The following CHM variants were observed in gnomAD, a reference collection of about 807,000 sequenced individuals.
The protein encoded by CHM is rab proteins geranylgeranyltransferase component A 1.
Under a neutral mutation model 49.0 loss-of-function variants are expected in CHM, and 10 were observed. The ratio of observed to expected loss-of-function variants is 0.20; its 90% CI spans 0.13 to 0.35. The LOEUF (loss-of-function observed/expected upper bound fraction) is 0.35. Ranked by LOEUF, CHM falls within the 10% of genes least tolerant of loss-of-function variation. The pLI, the probability that CHM is intolerant of heterozygous loss-of-function variation, is 1.00. For missense variants in CHM, 455 were observed against 478.4 expected (o/e 0.95, Z 0.46); for synonymous variants, 184 against 167.5 (o/e 1.10, Z -0.76).
chrX:85,932,666 T>C (rs970013335), intron 8 of CHM, among the ~76,000 whole-genome samples: 6 of 112,185 alleles, frequency 5.3e-5, no homozygotes, highest in African/African-American at 1.9e-4. Context: ...AAAACTTTCA[T>C]GTCCTAATTG....
At chrX:85,913,427 T>TGGAGAGAGGAGG (rs202195053) in intron 8 of CHM, among the ~76,000 whole-genome samples, 4 of 98,506 alleles carry the variant, frequency 4.1e-5, no homozygotes, top group Non-Finnish European at 6.2e-5. Context: ...GAGAGGAGAC[T>TGGAGAGAGGAGG]GGAGGACAGG....
intron 2 of CHM, among the ~76,000 whole-genome samples, chrX:85,988,079 T>C (rs780382909): frequency 8.9e-6 from 1 of 112,272 alleles, no homozygotes; most frequent in Non-Finnish European, 1.9e-5. Flanking sequence ...GCCAGTATCC[T>C]TGATTGAATA....
intron 8 of CHM, among the ~76,000 whole-genome samples, chrX:85,923,685 C>T (rs1927923726): frequency 9.0e-6 from 1 of 111,486 alleles, no homozygotes; most frequent in African/African-American, 3.3e-5. Flanking sequence ...TTACCTAGTA[C>T]AAGAGAGAGA....
intron 8 of CHM, among the ~76,000 whole-genome samples, chrX:85,952,397 C>G (rs1350513010): frequency 9.0e-6 from 1 of 110,860 alleles, no homozygotes; most frequent in Non-Finnish European, 1.9e-5. Flanking sequence ...GATAGGACAC[C>G]AGGCAGAGTC....
chrX:85,875,822 T>C (rs191066653), intron 13 of CHM, among the ~76,000 whole-genome samples: 1 of 111,506 alleles, frequency 9.0e-6, no homozygotes. Flanking sequence ...AAAGATGCCA[T>C]CAAAAGGCTC....
intron 8 of CHM, among the ~76,000 whole-genome samples, chrX:85,921,921 T>TAC (rs1569414104): frequency 2.7e-5 from 3 of 112,115 alleles, no homozygotes; most frequent in South Asian, 3.8e-4. Context: ...TATTTTTATA[T>TAC]ACACACACAC....
chrX:85,917,606 G>A (rs1927532673), intron 8 of CHM, among the ~76,000 whole-genome samples: 1 of 111,164 alleles, frequency 9.0e-6, no homozygotes, highest in African/African-American at 3.3e-5. Context: ...TCAGAACCTG[G>A]ATGGGAAGAA....
chrX:86,031,560 G>A (rs920934244), intron 1 of CHM, among the ~76,000 whole-genome samples: 1 of 112,446 alleles, frequency 8.9e-6, no homozygotes, highest in Admixed American at 9.4e-5. Context: ...ATTATTTAGC[G>A]CTGGGCACGG....
chrX:85,875,576 T>C (rs1924360361), intron 13 of CHM, among the ~76,000 whole-genome samples: 1 of 111,646 alleles, frequency 9.0e-6, no homozygotes, highest in African/African-American at 3.3e-5. Context: ...ACTATGTTAG[T>C]AATACCAGCA....
intron 11 of CHM, among the ~76,000 whole-genome samples, chrX:85,898,579 C>T (rs1364036801): frequency 8.9e-6 from 1 of 112,356 alleles, no homozygotes; most frequent in Non-Finnish European, 1.9e-5. Context: ...CTCTTCACAG[C>T]TTAGCTTCCT....
intron 12 of CHM, among the ~76,000 whole-genome samples, chrX:85,882,917 AAGTC>A (rs1315973105): frequency 9.0e-6 from 1 of 111,052 alleles, no homozygotes; most frequent in Non-Finnish European, 1.9e-5. Flanking sequence ...CTACTTGGCC[AAGTC>A]AGTTTTTCTC....
At position 85,921,356 on chromosome X, in the gene CHM, C is replaced by G. The variant is rs145842825; in HGVS notation, c.1167-10018G>C. Among the ~76,000 whole-genome samples the G allele has an allele frequency of 6.9e-3, 774 of 111,672 alleles. 8 individuals are homozygous for G. Among genetic ancestry groups the G allele is most frequent in the African/African-American group, 0.024 (737 of 30,709 alleles). ...TAGGCTCCATCTTTGGTGCAGTTTA[C>G]AGAAGCCATCCTAAGGCCTAACATA... On this transcript the variant is annotated intron_variant, in intron 8 of 14. Coordinates refer to ENST00000357749, the MANE Select transcript of CHM (RefSeq NM_000390.4).
intron 1 of CHM, among the ~76,000 whole-genome samples, chrX:86,043,409 C>CT (rs374685830): frequency 1.5e-3 from 147 of 100,875 alleles, no homozygotes; most frequent in East Asian, 3.7e-3. Flanking sequence ...AGCAATAAAA[C>CT]TTTTTTTTTT....
intron 13 of CHM, among the ~76,000 whole-genome samples, chrX:85,874,313 A>G (rs1046619865): frequency 8.9e-6 from 1 of 111,736 alleles, no homozygotes; most frequent in African/African-American, 3.2e-5. Flanking sequence ...TTCATTGACT[A>G]GAGAGTTTTC....
chrX:85,864,893 C>T, intron 14 of CHM, 72 bp from the exon 15 acceptor site: 1 of 1,016,180 alleles, frequency 9.8e-7, no homozygotes, highest in Non-Finnish European at 1.4e-6. Flanking sequence ...CTGGCATTAA[C>T]TAAAAAAAAA....
At chrX:85,879,208 AC>A in intron 12 of CHM, 145 bp from the exon 13 acceptor site, 1 of 449,673 alleles carries the variant, frequency 2.2e-6, no homozygotes, top group Non-Finnish European at 3.9e-6. Context: ...TAAAGGAAGT[AC>A]CCAACAAGTA....
intron 8 of CHM, among the ~76,000 whole-genome samples, chrX:85,911,814 G>A (rs746832840): frequency 9.0e-5 from 10 of 111,713 alleles, no homozygotes; most frequent in African/African-American, 3.3e-4. Flanking sequence ...ACTGGGAACT[G>A]AAAGCTAGAG....
At chrX:86,029,285 A>C (rs1413285329) in intron 1 of CHM, among the ~76,000 whole-genome samples, 1 of 112,230 alleles carries the variant, frequency 8.9e-6, no homozygotes, top group Non-Finnish European at 1.9e-5. Context: ...TTGAAATCAA[A>C]AGACCATCTG....
chrX:86,042,491 G>C (rs1186003020), intron 1 of CHM, among the ~76,000 whole-genome samples: 2 of 110,017 alleles, frequency 1.8e-5, no homozygotes, highest in African/African-American at 6.6e-5. Context: ...GAGAGGCAAG[G>C]CAAGCAAGTG....
Sources: gnomAD v4.1 joint callset for allele counts (sites outside exome capture counted in the v4.1 genomes callset) on GRCh38, gnomAD v4.1.1 for gene constraint, MANE v1.5 for transcripts, NCBI Gene and HGNC (gene_info 2026-07-23, HGNC 2026-07-21) for gene names.